The following NOVA2 variants were observed in gnomAD, a reference collection of about 807,000 sequenced individuals.
NOVA2 encodes the protein NOVA alternative splicing regulator 2, also known as RNA-binding protein Nova-2.
In NOVA2, 9 loss-of-function variants were observed where a neutral mutation model predicts 22.5. The ratio of observed to expected loss-of-function variants is 0.40; its 90% confidence interval spans 0.24 to 0.70. The LOEUF is 0.70. Ranked by LOEUF, NOVA2 falls within the 30% of genes least tolerant of loss-of-function variation. The pLI is 0.38. For synonymous variants in NOVA2, 318 were observed against 335.2 expected, an observed-to-expected ratio of 0.95 and a Z score of 0.56; for missense variants, 383 against 682.8, an observed-to-expected ratio of 0.56 and a Z score of 4.89.
chr19:45,971,672 C>T (rs572307304), intron 1 of NOVA2, among the ~76,000 whole-genome samples: 4 of 152,112 alleles, frequency 2.6e-5, no homozygotes, highest in Admixed American at 1.3e-4. Context: ...CCAGGCCTGG[C>T]GGAGAGGAAA....
In NOVA2 at chr19:45,934,126, A is replaced by G. The variant is rs893915644; in HGVS notation, c.*5737T>C. 1.3e-5 allele frequency: 2 copies of G among 152,290 alleles called. No homozygotes were observed. The highest frequency in any genetic ancestry group is 4.8e-5 in the African/African-American group (2 of 41,400). The allele number at this position is 152,290 out of a possible 1,614,324, so 9.4% of individuals were successfully genotyped here. On this transcript the variant is annotated 3_prime_UTR_variant, in exon 4 of 4. Transcript: ENST00000263257. ...GGCCAGCCTGGGGCCTGGGCCTTTT[A>G]ATCTAAGGACTGGGGAGAACCAAGG... is the stretch of plus-strand genomic sequence containing the variant.
Position 45,940,111 on chromosome 19 carries a change from T to C in NOVA2, c.1231A>G (p.Ile411Val). The C allele has an allele frequency of 6.2e-7, 1 of 1,613,244 alleles. No homozygotes were observed. The highest frequency in any genetic ancestry group is 8.5e-7 in the Non-Finnish European group (1 of 1,179,838). Residue 411 changes from isoleucine to valine, a missense_variant, in exon 4 of 4, where the codon ATT becomes GTT. Ile to Val is a conservative substitution (Grantham distance 29). This residue lies in a region of NOVA2 where 349 missense variants were observed against 578.1 expected (regional missense o/e 0.60). Coordinates refer to ENST00000263257, the MANE Select transcript of NOVA2 (RefSeq NM_002516.4). ...AAESAKELVE[I>V]AVPENLVGAI... is the part of the protein sequence containing the mutation. The stretch of plus-strand genomic sequence containing the variant: ...CCCACCAGGTTCTCAGGCACCGCAA[T>C]CTCCACCAGCTCCTTGGCACTCTCA...
chr19:45,939,762 G>C lies in NOVA2; in HGVS notation c.*101C>G, dbSNP rs1443411334. ...CTACCCCAGCCCCATCCCAAGAGGA[G>C]CAGGACTACACCAAGCTGAGGTCAG... is the stretch of plus-strand genomic sequence containing the variant. On this transcript the variant is annotated 3_prime_UTR_variant, in exon 4 of 4. Transcript: ENST00000263257. 1 of 1,468,654 alleles carries C rather than the reference G, an allele frequency of 6.8e-7. No homozygotes were observed. The highest frequency in any genetic ancestry group is 9.3e-7 in the Non-Finnish European group (1 of 1,075,178). 91.0% of individuals were successfully genotyped at this position (1,468,654 alleles called of 1,614,324 possible). A position where few individuals can be genotyped will look rare whatever the true frequency, so the allele number is the denominator to read the frequency against.
At chr19:45,969,199 C>A (rs1485711875) in intron 1 of NOVA2, among the ~76,000 whole-genome samples, 2 of 151,054 alleles carry the variant, frequency 1.3e-5, no homozygotes, top group South Asian at 2.1e-4. Flanking sequence ...ACAACAACAA[C>A]AAAAAACAAA....
At chr19:45,954,778 G>T (rs1329601391) in intron 2 of NOVA2, among the ~76,000 whole-genome samples, 1 of 151,638 alleles carries the variant, frequency 6.6e-6, no homozygotes, top group Non-Finnish European at 1.5e-5. Context: ...GAGAAACTGG[G>T]GGGTATTGGG....
chr19:45,964,885 G>A (rs949202558), intron 1 of NOVA2, among the ~76,000 whole-genome samples: 5 of 152,062 alleles, frequency 3.3e-5, no homozygotes, highest in Admixed American at 6.6e-5. Context: ...TAAGATGAAA[G>A]TTCTGTGTTC....
intron 1 of NOVA2, among the ~76,000 whole-genome samples, chr19:45,970,548 G>C (rs949051338): frequency 3.3e-5 from 5 of 151,880 alleles, no homozygotes; most frequent in Non-Finnish European, 7.4e-5. Context: ...GATAATTTGT[G>C]TATTTTTAGT....
chr19:45,939,799 G>T lies in NOVA2; in HGVS notation c.*64C>A, dbSNP rs1018410528. 13 of 1,586,712 alleles carry T rather than the reference G, an allele frequency of 8.2e-6. No homozygotes were observed. The East Asian group carries it at 1.1e-4, about 14-fold the overall frequency. ...CAAGCTGAGGTCAGGAGTTGGGGGGGAGGAGGAGAGGGAAGAGGAGGAGAT... is the reference window on the plus strand; with the variant it reads ...CAAGCTGAGGTCAGGAGTTGGGGGGTAGGAGGAGAGGGAAGAGGAGGAGAT... On this transcript the variant is annotated 3_prime_UTR_variant, in exon 4 of 4. Coordinates refer to ENST00000263257, the MANE Select transcript of NOVA2 (RefSeq NM_002516.4).
chr19:45,972,999 GC>G (rs1324435752), intron 1 of NOVA2, among the ~76,000 whole-genome samples: 2 of 129,450 alleles, frequency 1.5e-5, no homozygotes, highest in African/African-American at 3.0e-5. Context: ...AGGCTCCCAC[GC>G]CCCCCATCTT....
At position 45,961,110 on chromosome 19, in the gene NOVA2, C is replaced by T; in HGVS notation, c.129G>A (p.Ala43=). Residue 43 remains alanine (A), a synonymous_variant, in exon 2 of 4, where the codon GCG becomes GCA. Coordinates refer to ENST00000263257, the MANE Select transcript of NOVA2 (RefSeq NM_002516.4). The part of the protein sequence containing the change: ...YFLKVLIPSY[A]AGSIIGKGGQ... ...CGCCCTTGCCAATGATGGAGCCCGC[C>T]GCGTAGCTGGGGATCAGCACCTTCA... The T allele has an allele frequency of 6.3e-7, 1 of 1,596,492 alleles. No homozygotes were observed. The highest frequency in any genetic ancestry group is 8.5e-7 in the Non-Finnish European group (1 of 1,171,722).
At chr19:45,973,081 C>T (rs1968254674) in intron 1 of NOVA2, among the ~76,000 whole-genome samples, 186 bp downstream of exon 1, 1 of 149,676 alleles carries the variant, frequency 6.7e-6, no homozygotes, top group African/African-American at 2.5e-5. Context: ...CTCCCAGCCC[C>T]GGGCCTCAGC....
intron 3 of NOVA2, among the ~76,000 whole-genome samples, chr19:45,946,606 G>A (rs1371425912): frequency 6.6e-6 from 1 of 152,206 alleles, no homozygotes; most frequent in South Asian, 2.1e-4. Context: ...AGGCACGGTG[G>A]CTCACGCCTG....
In NOVA2 at chr19:45,961,026, G is replaced by T; in HGVS notation, c.213C>A (p.Ser71=). The change falls in exon 2 of 4, where the codon TCC becomes TCA. Residue 71 remains serine (S), a synonymous_variant. Coordinates refer to ENST00000263257, the MANE Select transcript of NOVA2 (RefSeq NM_002516.4). Reference sequence around the variant, plus strand: ...GGGGCTCACCGGGGTAGAAGTCTTTGGACTTGGAGAGCTTGATGGTGGCTC... The same window carrying T: ...GGGGCTCACCGGGGTAGAAGTCTTTTGACTTGGAGAGCTTGATGGTGGCTC... The part of the protein sequence containing the change: ...ETGATIKLSK[S]KDFYPGTTER... 6.3e-7 allele frequency: 1 copy of T among 1,575,592 alleles called. No homozygotes were observed. The highest frequency in any genetic ancestry group is 1.3e-5 in the African/African-American group (1 of 74,314).
intron 1 of NOVA2, among the ~76,000 whole-genome samples, chr19:45,965,586 C>T (rs1600619323): frequency 1.3e-5 from 2 of 152,144 alleles, no homozygotes; most frequent in African/African-American, 4.8e-5. Context: ...AAAAATTAGT[C>T]AGGCCTAGTG....
At position 45,940,210 on chromosome 19, in the gene NOVA2, C is replaced by T; in HGVS notation, c.1132G>A (p.Gly378Ser). ...GCTGCAGCGGCCACCAGCGGGCCGC[C>T]CCCTCCGCCCGCCCCGCCGCCCGCC... ...AGAGGGAGGG[G>S]GPLVAAAAAA... The change falls in exon 4 of 4, where the codon GGC becomes AGC. Residue 378 changes from glycine to serine, a missense_variant. By Grantham distance (56) the Gly-to-Ser change is moderately conservative (BLOSUM62 0). Transcript: ENST00000263257. The T allele has an allele frequency of 8.4e-7, 1 of 1,196,534 alleles. No individual in the cohort carries two copies. Among genetic ancestry groups the T allele is most frequent in the South Asian group, 3.5e-5 (1 of 28,296 alleles). The allele number at this position is 1,196,534 out of a possible 1,614,324, so 74.1% of individuals were successfully genotyped here.
chr19:45,954,873 T>C (rs949853649), intron 2 of NOVA2, among the ~76,000 whole-genome samples: 4 of 151,270 alleles, frequency 2.6e-5, no homozygotes, highest in East Asian at 2.0e-4. Flanking sequence ...TGTGTGTGTG[T>C]GTGTGTGTGT....
At chr19:45,967,724 C>CT (rs1162595105) in intron 1 of NOVA2, 2 of 152,070 alleles carry the variant, frequency 1.3e-5, no homozygotes, top group Non-Finnish European at 2.9e-5. Flanking sequence ...GGCAGGTCAC[C>CT]TGAGGTTAGG....
intron 1 of NOVA2, among the ~76,000 whole-genome samples, chr19:45,971,779 C>T (rs906876582): frequency 4.6e-5 from 7 of 152,036 alleles, no homozygotes; most frequent in African/African-American, 1.7e-4. Flanking sequence ...GGGGCTTGTC[C>T]GCTGCGGGGT....
chr19:45,940,185 G>A lies in NOVA2; in HGVS notation c.1157C>T (p.Ala386Val). Residue 386 changes from alanine (A) to valine (V), a missense_variant, in exon 4 of 4, where the codon GCC (alanine) becomes GTC (valine). Physicochemically the swap from Ala to Val is moderately conservative, Grantham distance 64. Coordinates refer to ENST00000263257, the MANE Select transcript of NOVA2 (RefSeq NM_002516.4). Reference sequence around the variant, plus strand: ...GAAGCCCCCGGCCGCCCCGGCCGCGGCTGCAGCGGCCACCAGCGGGCCGCC... The same window carrying A: ...GAAGCCCCCGGCCGCCCCGGCCGCGACTGCAGCGGCCACCAGCGGGCCGCC... ...GGGGPLVAAA[A>V]AAGAAGGFLT... is the part of the protein sequence containing the mutation. 6.3e-7 allele frequency: 1 copy of A among 1,575,340 alleles called. No homozygotes were observed. Among genetic ancestry groups the A allele is most frequent in the East Asian group, 2.4e-5 (1 of 42,150 alleles).
Sources: gnomAD v4.1 joint callset for allele counts (sites outside exome capture counted in the v4.1 genomes callset) on GRCh38, gnomAD v4.1.1 for gene constraint, gnomAD v4.1.1 regional missense constraint, MANE v1.5 for transcripts, NCBI Gene and HGNC (gene_info 2026-07-23, HGNC 2026-07-21) for gene names.